Variants in ILKAP observed in about 807,000 individuals in gnomAD.
The protein encoded by ILKAP is integrin-linked kinase-associated serine/threonine phosphatase 2C.
A neutral mutation model predicts 49.1 loss-of-function variants in ILKAP; 11 were observed. That is an observed-to-expected ratio of 0.22 (90% CI 0.14 to 0.37). The LOEUF (loss-of-function observed/expected upper bound fraction) is 0.37, where lower values mean the gene tolerates loss of function less well. ILKAP is among the 10% of genes least tolerant of loss of function. The probability of loss-of-function intolerance (pLI) is 1.00; values close to 1 mark genes in which losing one functional copy is unlikely to be tolerated. For missense variants in ILKAP, 363 were observed against 510.8 expected (o/e 0.71, Z 2.79); for synonymous variants, 186 against 192.8 (o/e 0.96, Z 0.29).
rs113383251 is a variant in ILKAP, at chr2:238,203,525, G to A, written c.29C>T (p.Pro10Leu). 8.1e-7 allele frequency: 1 copy of A among 1,235,002 alleles called. No individual in the cohort carries two copies. 76.5% of individuals were successfully genotyped at this position (1,235,002 alleles called of 1,614,324 possible). A position where few individuals can be genotyped will look rare whatever the true frequency, so the allele number is the denominator to read the frequency against. ...GGCAGCCGGGCGCGGCGAGCGCTCG[G>A]GCTCCGGCAGGTCCCCGAAGAGGTC... MDLFGDLPE[P>L]ERSPRPAAGK... The change falls in exon 1 of 12, where the codon CCC becomes CTC. Residue 10 changes from proline (P) to leucine (L), a missense_variant. By Grantham distance (98) the Pro-to-Leu change is moderately conservative. Around this residue, in one of 3 missense-constraint regions of ILKAP, gnomAD observed 114 missense variants for 116.0 expected, o/e 0.98. Coordinates refer to ENST00000254654, the MANE Select transcript of ILKAP (RefSeq NM_030768.3).
intron 9 of ILKAP, 27 bp downstream of exon 9, chr2:238,182,038 A>G: frequency 6.2e-7 from 1 of 1,611,390 alleles, no homozygotes; most frequent in Non-Finnish European, 8.5e-7. Context: ...CCTCCTTCCC[A>G]TGAGCTCCTC....
chr2:238,202,959 G>C (rs1486193068), intron 1 of ILKAP, among the ~76,000 whole-genome samples: 2 of 151,876 alleles, frequency 1.3e-5, no homozygotes, highest in African/African-American at 4.8e-5. Context: ...CTGTCTTCCA[G>C]GCTTCAAAAA....
Position 238,183,664 on chromosome 2 carries a change from C to T in ILKAP, c.703G>A (p.Gly235Arg), listed in dbSNP as rs1307612654. 6 of 1,612,312 alleles carry T rather than the reference C, an allele frequency of 3.7e-6. No individual in the cohort carries two copies. The highest frequency in any genetic ancestry group is 3.4e-5 in the Admixed American group (2 of 59,548). Reference protein sequence around the residue: ...VDNILYIANLGDSRAILCRYN... With the variant: ...VDNILYIANLRDSRAILCRYN... ...CCAGAGCCACATACCCGACTATCTC[C>T]GAGGTTGGCAATATAAAGAATGTTG... The change falls in exon 8 of 12, where the codon GGA becomes AGA. Residue 235 changes from glycine to arginine, a missense_variant. Physicochemically the swap from Gly to Arg is moderately radical, Grantham distance 125. This residue lies in a region of ILKAP where 166 missense variants were observed against 307.3 expected (regional missense o/e 0.54). Transcript: ENST00000254654.
rs776256430 is a variant in ILKAP at position 238,188,092 on chromosome 2, T to A, written c.425+39A>T. ...AAAATGCCAGTCAGAACCCAGGAGA[T>A]GTTAATGCCAGCCGGGCTTCCTACC... is the stretch of plus-strand genomic sequence containing the variant. On this transcript the variant is annotated intron_variant, in intron 5 of 11. Transcript: ENST00000254654. The A allele has an allele frequency of 3.1e-6, 5 of 1,609,928 alleles. No individual in the cohort carries two copies. In the Admixed American group the frequency reaches 8.3e-5, roughly 27 times the overall value.
intron 1 of ILKAP, among the ~76,000 whole-genome samples, chr2:238,198,787 A>G (rs1360376363): frequency 6.6e-6 from 1 of 152,232 alleles, no homozygotes; most frequent in Non-Finnish European, 1.5e-5. Flanking sequence ...TATGCTGAGA[A>G]AAATACCCTT....
At chr2:238,201,168 T>C (rs917549590) in intron 1 of ILKAP, among the ~76,000 whole-genome samples, 2 of 128,504 alleles carry the variant, frequency 1.6e-5, no homozygotes, top group African/African-American at 5.8e-5. Context: ...TCAATATGAT[T>C]TATTCAAAGT....
intron 5 of ILKAP, chr2:238,186,602 C>G (rs1208166559): frequency 6.6e-6 from 1 of 151,968 alleles, no homozygotes; most frequent in Non-Finnish European, 1.5e-5. Flanking sequence ...TTTTAAATAT[C>G]TCATTTTTAA....
intron 1 of ILKAP, among the ~76,000 whole-genome samples, chr2:238,197,367 G>A (rs554606258): frequency 1.3e-5 from 2 of 152,238 alleles, no homozygotes; most frequent in South Asian, 4.2e-4. Context: ...AGACAATCAC[G>A]CTGCATTCAG....
Position 238,194,343 on chromosome 2 carries a change from C to G in ILKAP, c.122-12G>C. Reference sequence around the variant, plus strand: ...AGGTCCCCCTGATCCTGAAACACAGCAGAACACTTAGTGAGCCCACAAAAA... The same window carrying G: ...AGGTCCCCCTGATCCTGAAACACAGGAGAACACTTAGTGAGCCCACAAAAA... On this transcript the variant is annotated splice_polypyrimidine_tract_variant and intron_variant, in intron 2 of 11. Transcript: ENST00000254654. 2 of 1,613,762 alleles carry G rather than the reference C, an allele frequency of 1.2e-6. No individual in the cohort carries two copies. The highest frequency in any genetic ancestry group is 1.7e-6 in the Non-Finnish European group (2 of 1,179,704).
chr2:238,188,031 T>A, intron 5 of ILKAP, 100 bp downstream of exon 5: 1 of 1,306,072 alleles, frequency 7.7e-7, no homozygotes, highest in South Asian at 1.3e-5. Flanking sequence ...TCAAGTGATG[T>A]GTTAGATTTT....
chr2:238,199,090 C>T (rs1179689359), intron 1 of ILKAP, among the ~76,000 whole-genome samples: 1 of 152,118 alleles, frequency 6.6e-6, no homozygotes, highest in Non-Finnish European at 1.5e-5. Flanking sequence ...CACAATACTC[C>T]ACATATAGTG....
At chr2:238,191,330 G>C (rs911722695) in intron 3 of ILKAP, among the ~76,000 whole-genome samples, 2 of 152,098 alleles carry the variant, frequency 1.3e-5, no homozygotes, top group African/African-American at 4.8e-5. Context: ...AGTAGAGACG[G>C]AGTTTCACCA....
chr2:238,197,671 T>C (rs1465973432), intron 1 of ILKAP, among the ~76,000 whole-genome samples: 2 of 152,176 alleles, frequency 1.3e-5, no homozygotes, highest in African/African-American at 4.8e-5. Context: ...AGTCAGATGG[T>C]GCCCCAAACT....
At chr2:238,178,812 G>A (rs7560864) in intron 9 of ILKAP, among the ~76,000 whole-genome samples, 118,468 of 151,990 alleles carry the variant, frequency 0.78, 46,329 homozygotes, top group Middle Eastern at 0.9. Flanking sequence ...TTTTTTTTAA[G>A]CAAAAGTCTT....
At chr2:238,201,428 T>C (rs914145163) in intron 1 of ILKAP, among the ~76,000 whole-genome samples, 1 of 152,338 alleles carries the variant, frequency 6.6e-6, no homozygotes, top group South Asian at 2.1e-4. Flanking sequence ...GCAGGACCTG[T>C]TGACAATGTC....
chr2:238,174,683 T>C (rs965160867), intron 9 of ILKAP, among the ~76,000 whole-genome samples: 19 of 152,254 alleles, frequency 1.2e-4, no homozygotes, highest in Admixed American at 3.3e-4. Flanking sequence ...ACAAACATGT[T>C]TTTTCTTCTT....
intron 3 of ILKAP, among the ~76,000 whole-genome samples, chr2:238,191,913 A>AAAAAAG (rs1179718590): frequency 6.6e-5 from 10 of 151,680 alleles, no homozygotes; most frequent in Non-Finnish European, 1.5e-4. Context: ...TCAAAAAAAA[A>AAAAAAG]AAAAAGAAAA....
At chr2:238,184,657 C>T (rs979054182) in intron 6 of ILKAP, among the ~76,000 whole-genome samples, 2 of 151,524 alleles carry the variant, frequency 1.3e-5, no homozygotes, top group East Asian at 3.9e-4. Context: ...CCTCCTGGGG[C>T]TCAGAAAATC....
At chr2:238,199,001 T>C (rs1289418042) in intron 1 of ILKAP, among the ~76,000 whole-genome samples, 2 of 152,296 alleles carry the variant, frequency 1.3e-5, no homozygotes, top group East Asian at 1.9e-4. Context: ...ATGAGTTTAG[T>C]GTATCCTTTC....
Sources: gnomAD v4.1 joint callset for allele counts (sites outside exome capture counted in the v4.1 genomes callset) on GRCh38, gnomAD v4.1.1 for gene constraint, gnomAD v4.1.1 regional missense constraint, MANE v1.5 for transcripts, NCBI Gene and HGNC (gene_info 2026-07-23, HGNC 2026-07-21) for gene names.